LAMB1: variants seen among roughly 807,000 people sequenced by gnomAD.
LAMB1 encodes laminin subunit beta-1.
LAMB1 carries 121 observed loss-of-function variants against 222.3 expected under a neutral mutation model. The ratio of observed to expected loss-of-function variants is 0.54; its 90% CI spans 0.47 to 0.63. The LOEUF (loss-of-function observed/expected upper bound fraction) is 0.63, where lower values mean the gene tolerates loss of function less well. Among genes scored for constraint, LAMB1 ranks in the 30% least tolerant of loss-of-function variants. The pLI is 0.00. For synonymous variants in LAMB1, 794 were observed against 807.2 expected (o/e 0.98, Z 0.28); for missense variants, 2,172 against 2,240.8 (o/e 0.97, Z 0.62).
intron 7 of LAMB1, among the ~76,000 whole-genome samples, chr7:107,983,603 A>G (rs1047518253): frequency 8.2e-6 from 1 of 122,604 alleles, no homozygotes; most frequent in African/African-American, 3.3e-5. Flanking sequence ...CCCAGACTGG[A>G]GTGCAATGGT....
chr7:107,978,849 G>C (rs898409441), intron 8 of LAMB1, among the ~76,000 whole-genome samples: 2 of 152,154 alleles, frequency 1.3e-5, no homozygotes, highest in African/African-American at 4.8e-5. Flanking sequence ...GCACACTTAC[G>C]ACCCTTGAGG....
At chr7:107,947,364 A>C (rs1406177249) in intron 24 of LAMB1, among the ~76,000 whole-genome samples, 1 of 152,246 alleles carries the variant, frequency 6.6e-6, no homozygotes, top group African/African-American at 2.4e-5. Context: ...AATTCAACTG[A>C]AAACATATTT....
intron 18 of LAMB1, 53 bp from the exon 19 acceptor site, chr7:107,959,887 C>T: frequency 6.3e-7 from 1 of 1,577,934 alleles, no homozygotes; most frequent in Non-Finnish European, 8.6e-7. Context: ...CATCATCGGG[C>T]TCTCCCTGAT....
intron 30 of LAMB1, 70 bp from the exon 31 acceptor site, chr7:107,929,275 T>A: frequency 6.4e-7 from 1 of 1,567,908 alleles, no homozygotes; most frequent in Non-Finnish European, 8.8e-7. Context: ...GTTCTTTTCT[T>A]TAAAGAATAG....
At chr7:107,985,970 AAAAC>A (rs769679757) in intron 7 of LAMB1, 48 bp downstream of exon 7, 58 of 1,422,450 alleles carry the variant, frequency 4.1e-5, no homozygotes, top group East Asian at 1.8e-4. Context: ...AAAACAAAAC[AAAAC>A]AAACAAACAA....
At chr7:107,958,587 C>T (rs2033425386) in intron 20 of LAMB1, among the ~76,000 whole-genome samples, 1 of 152,188 alleles carries the variant, frequency 6.6e-6, no homozygotes, top group African/African-American at 2.4e-5. Context: ...CCCAAAAAGC[C>T]AGTTCTAACA....
At chr7:107,964,748 A>T (rs1302268673) in intron 13 of LAMB1, 61 bp from the exon 14 acceptor site, 106 of 1,594,812 alleles carry the variant, frequency 6.6e-5, no homozygotes, top group Non-Finnish European at 8.7e-5. Context: ...ACCCGCCAGA[A>T]GCAGCTCTAC....
rs1183592092 is a variant in LAMB1, at chr7:107,962,838, TA to T, written c.1857+66del. 3 of 1,351,126 alleles carry T rather than the reference TA, an allele frequency of 2.2e-6. No homozygotes were observed. The African/African-American group carries it at 4.3e-5, about 20-fold the overall frequency. The allele number at this position is 1,351,126 out of a possible 1,614,324, so 83.7% of individuals were successfully genotyped here. ...TTTCATAACTATATATAATACCCAT[TA>T]GAAGTACTATTTTTCTACTGATTCT... On this transcript the variant is annotated intron_variant, in intron 15 of 33. Transcript: ENST00000222399.
intron 13 of LAMB1, among the ~76,000 whole-genome samples, chr7:107,971,433 T>G (rs2033746546): frequency 6.6e-6 from 1 of 152,226 alleles, no homozygotes; most frequent in Non-Finnish European, 1.5e-5. Context: ...TGTGCACATC[T>G]CCCAGTAGAA....
rs2032825564 is a variant in LAMB1, at chr7:107,935,475, G to A, written c.4128C>T (p.Arg1376=). 1.9e-6 allele frequency: 3 copies of A among 1,613,056 alleles called. No individual in the cohort carries two copies. In the African/African-American group the frequency reaches 4.0e-5, roughly 22 times the overall value. The change falls in exon 27 of 34, where the codon CGC becomes CGT. Residue 1376 remains arginine (R), a synonymous_variant. Transcript: ENST00000222399. The part of the protein sequence containing the change: ...QFKEKQEEQA[R]LLDELAGKLQ... ...GCTTGCCTGCCAGTTCATCAAGGAG[G>A]CGAGCCTGCTCCTCTTGTTTTTCCT...
chr7:107,954,314 C>T (rs1415944898), intron 21 of LAMB1, among the ~76,000 whole-genome samples: 2 of 151,446 alleles, frequency 1.3e-5, no homozygotes, highest in Admixed American at 6.6e-5. Flanking sequence ...GGCACTACAC[C>T]TGACTAATTT....
intron 13 of LAMB1, among the ~76,000 whole-genome samples, chr7:107,969,790 T>C (rs547692098): frequency 6.6e-6 from 1 of 152,358 alleles, no homozygotes; most frequent in East Asian, 1.9e-4. Context: ...TGACAAGAAC[T>C]TGTGTATTCA....
chr7:107,999,498 T>C lies in LAMB1; in HGVS notation c.214-1006A>G, dbSNP rs187989624. Among the ~76,000 whole-genome samples the C allele has an allele frequency of 1.8e-4, 27 of 152,302 alleles. No individual in the cohort carries two copies. In the South Asian group the frequency reaches 3.3e-3, roughly 19 times the overall value. On this transcript the variant is annotated intron_variant, in intron 3 of 33. Transcript: ENST00000222399. ...ACAATTAACTGACCGTACTTTTACG[T>C]TGTATTTCACATCGTATTTATTTAG... is the stretch of plus-strand genomic sequence containing the variant.
chr7:107,986,807 G>A (rs977093184), intron 5 of LAMB1, among the ~76,000 whole-genome samples: 3 of 152,200 alleles, frequency 2.0e-5, no homozygotes, highest in Non-Finnish European at 4.4e-5. Flanking sequence ...AGTCCAATGA[G>A]GTGCAGATAT....
chr7:107,931,531 G>C (rs2032711304), intron 28 of LAMB1, 31 bp from the exon 29 acceptor site: 2 of 1,602,056 alleles, frequency 1.2e-6, no homozygotes, highest in Non-Finnish European at 1.7e-6. Flanking sequence ...ACCCAGGGAA[G>C]ACTTTCATTC....
At chr7:107,954,881 A>T (rs73420791) in intron 21 of LAMB1, among the ~76,000 whole-genome samples, 5,382 of 152,292 alleles carry the variant, frequency 0.035, 325 homozygotes, top group African/African-American at 0.12. Context: ...ATGATGACCA[A>T]TTTCCCTAAG....
chr7:107,930,851 T>C (rs1389158259), intron 29 of LAMB1, among the ~76,000 whole-genome samples: 4 of 152,218 alleles, frequency 2.6e-5, no homozygotes, highest in African/African-American at 9.6e-5. Context: ...GGATATCTTA[T>C]TAAGATGTGA....
In LAMB1 at chr7:107,955,592, GA is replaced by G; in HGVS notation, c.2728del (p.Ser910GlnfsTer151). ...AGGGCAAGGGCGGCAGTGATCTCCTGACCCAATGATGGGGTCGCCATAGTAA... is the reference window on the plus strand; with the variant it reads ...AGGGCAAGGGCGGCAGTGATCTCCTGCCCAATGATGGGGTCGCCATAGTAA... ...AGYYGDPIIG[S>X]GDHCRPCPCP... is the part of the protein sequence containing the mutation. On this transcript the variant is annotated frameshift_variant, in exon 21 of 34. Coordinates refer to ENST00000222399, the MANE Select transcript of LAMB1 (RefSeq NM_002291.3). LOFTEE classifies it high-confidence loss of function. 6.2e-7 allele frequency: 1 copy of G among 1,613,928 alleles called. No individual in the cohort carries two copies.
At chr7:107,970,228 T>C (rs2150435446) in intron 13 of LAMB1, among the ~76,000 whole-genome samples, 1 of 152,276 alleles carries the variant, frequency 6.6e-6, no homozygotes. Context: ...GGCTCATGCC[T>C]ATAATCCCAG....
Sources: gnomAD v4.1 joint callset for allele counts (sites outside exome capture counted in the v4.1 genomes callset) on GRCh38, gnomAD v4.1.1 for gene constraint, MANE v1.5 for transcripts, NCBI Gene and HGNC (gene_info 2026-07-23, HGNC 2026-07-21) for gene names.